The following ELP4 variants were observed in gnomAD, a reference collection of about 807,000 sequenced individuals.
The protein encoded by ELP4 is elongator acetyltransferase complex subunit 4.
A neutral mutation model predicts 48.9 loss-of-function variants in ELP4; 51 were observed. That is an observed-to-expected ratio of 1.04 (90% CI 0.83 to 1.32). The LOEUF is 1.32. ELP4 is among the 40% of genes most tolerant of loss of function. ELP4 has a pLI of 0.00. For missense variants in ELP4, 519 were observed against 514.6 expected (o/e 1.01, Z -0.08); for synonymous variants, 210 against 189.2 (o/e 1.11, Z -0.90).
intron 9 of ELP4, among the ~76,000 whole-genome samples, chr11:31,744,622 G>C (rs1947537143): frequency 6.6e-6 from 1 of 152,188 alleles, no homozygotes; most frequent in Non-Finnish European, 1.5e-5. Flanking sequence ...CATTTAAACA[G>C]AACCAAAGAC....
At chr11:31,691,054 A>G (rs1051905316) in intron 9 of ELP4, among the ~76,000 whole-genome samples, 5 of 152,012 alleles carry the variant, frequency 3.3e-5, no homozygotes, top group African/African-American at 1.2e-4. Context: ...ACCCAGTCAC[A>G]GGTACCTTCA....
At position 31,680,521 on chromosome 11, in the gene ELP4, G is replaced by A. The variant is rs955208548; in HGVS notation, c.1143+30300G>A. On this transcript the variant is annotated intron_variant, in intron 9 of 9. Coordinates refer to ENST00000640961, the MANE Select transcript of ELP4 (RefSeq NM_019040.5). ...AGTTTCGGATAGGGGTTGTGGAGGG[G>A]TACAAGCAAGAAGGAAGCAAAGGGC... Among the ~76,000 whole-genome samples, 6 of 152,120 alleles carry A rather than the reference G, an allele frequency of 3.9e-5. No individual in the cohort carries two copies. The East Asian group carries it at 1.2e-3, about 29-fold the overall frequency.
intron 3 of ELP4, among the ~76,000 whole-genome samples, chr11:31,579,417 C>T (rs888131341): frequency 3.9e-5 from 6 of 152,156 alleles, no homozygotes; most frequent in African/African-American, 1.2e-4. Context: ...CCATTAGACC[C>T]AGCCATCCCA....
At chr11:31,548,342 C>T (rs1956774039) in intron 3 of ELP4, among the ~76,000 whole-genome samples, 1 of 151,568 alleles carries the variant, frequency 6.6e-6, no homozygotes, top group African/African-American at 2.4e-5. Flanking sequence ...ACACCAATAA[C>T]AGACAAACAG....
chr11:31,554,457 AATT>A (rs1956898983), intron 3 of ELP4, among the ~76,000 whole-genome samples: 3 of 151,410 alleles, frequency 2.0e-5, no homozygotes, highest in Admixed American at 2.0e-4. Context: ...TATATATATG[AATT>A]ATTTTATATG....
chr11:31,684,849 G>A (rs931920413), intron 9 of ELP4, among the ~76,000 whole-genome samples: 6 of 152,156 alleles, frequency 3.9e-5, no homozygotes, highest in African/African-American at 1.4e-4. Flanking sequence ...CTTTTAGAAA[G>A]AAACACTGAA....
At chr11:31,767,057 T>C (rs192614033) in intron 9 of ELP4, among the ~76,000 whole-genome samples, 36 of 152,280 alleles carry the variant, frequency 2.4e-4, no homozygotes, top group African/African-American at 8.2e-4. Flanking sequence ...TTATATGTGG[T>C]TTTAATACTA....
intron 3 of ELP4, among the ~76,000 whole-genome samples, chr11:31,585,911 C>G (rs895509698): frequency 6.6e-6 from 1 of 151,940 alleles, no homozygotes; most frequent in Non-Finnish European, 1.5e-5. Context: ...ATAGCAACAC[C>G]CTGTCTCTAC....
intron 9 of ELP4, among the ~76,000 whole-genome samples, chr11:31,691,199 A>G (rs772314145): frequency 1.3e-5 from 2 of 152,120 alleles, no homozygotes; most frequent in Non-Finnish European, 2.9e-5. Context: ...TGATGAAGGC[A>G]TGTTACACAA....
intron 5 of ELP4, among the ~76,000 whole-genome samples, chr11:31,609,164 T>G (rs1041574382): frequency 6.6e-6 from 1 of 152,128 alleles, no homozygotes; most frequent in Admixed American, 6.5e-5. Flanking sequence ...TTGGCTGCAT[T>G]TAAAACAGGC....
In ELP4 at chr11:31,594,793, T is replaced by G. The variant is rs769623140; in HGVS notation, c.405T>G (p.Asp135Glu). Residue 135 changes from aspartate to glutamate, a missense_variant, in exon 4 of 10, where the codon GAT becomes GAG. Coordinates refer to ENST00000640961, the MANE Select transcript of ELP4 (RefSeq NM_019040.5). ...ILQELPAPLLDDKCKKEFDED... is the reference protein window; with the variant it reads ...ILQELPAPLLEDKCKKEFDED... ...AGGAACTTCCAGCACCATTACTTGATGATAAATGTAAAAAGGAATTTGATG... is the reference window on the plus strand; with the variant it reads ...AGGAACTTCCAGCACCATTACTTGAGGATAAATGTAAAAAGGAATTTGATG... 1 of 1,527,788 alleles carries G rather than the reference T, an allele frequency of 6.5e-7. No individual in the cohort carries two copies. Among genetic ancestry groups the G allele is most frequent in the South Asian group, 1.4e-5 (1 of 73,886 alleles). The allele number at this position is 1,527,788 out of a possible 1,614,324, so 94.6% of individuals were successfully genotyped here. A position where few individuals can be genotyped will look rare whatever the true frequency, so the allele number is the denominator to read the frequency against.
chr11:31,585,010 A>G (rs1171861762), intron 3 of ELP4, among the ~76,000 whole-genome samples: 1 of 152,206 alleles, frequency 6.6e-6, no homozygotes, highest in Non-Finnish European at 1.5e-5. Flanking sequence ...AAGAATTACT[A>G]CATTTTAGGT....
intron 3 of ELP4, among the ~76,000 whole-genome samples, chr11:31,544,129 G>T (rs1956645741): frequency 6.6e-6 from 1 of 152,232 alleles, no homozygotes; most frequent in Admixed American, 6.5e-5. Flanking sequence ...ATCTCACTAG[G>T]GAGTGCCAGA....
At position 31,715,000 on chromosome 11, in the gene ELP4, T is replaced by G. The variant is rs1946813923; in HGVS notation, c.1143+64779T>G. 1.3e-5 allele frequency: 5 copies of G among 393,064 alleles called. No individual in the cohort carries two copies. The Admixed American group carries it at 2.2e-4, about 17-fold the overall frequency. 24.3% of individuals were successfully genotyped at this position (393,064 alleles called of 1,614,324 possible). ...CAAAGACTGTGGTATGGACATTTTT[T>G]GAGGACTGTTATTCTGCCTACCACA... is the stretch of plus-strand genomic sequence containing the variant. On this transcript the variant is annotated intron_variant, in intron 9 of 9. Transcript: ENST00000640961.
At chr11:31,516,320 C>T (rs1335885788) in intron 1 of ELP4, among the ~76,000 whole-genome samples, 1 of 152,158 alleles carries the variant, frequency 6.6e-6, no homozygotes, top group African/African-American at 2.4e-5. Context: ...ATCAATTCAT[C>T]TCCTTATATG....
intron 2 of ELP4, 43 bp downstream of exon 2, chr11:31,520,134 TC>T (rs1302849292): frequency 6.5e-7 from 1 of 1,540,918 alleles, no homozygotes; most frequent in Admixed American, 1.9e-5. Context: ...ATCATTGTTT[TC>T]TGTTGTGCAT....
intron 9 of ELP4, among the ~76,000 whole-genome samples, chr11:31,772,095 C>G (rs929884252): frequency 6.6e-6 from 1 of 151,432 alleles, no homozygotes; most frequent in East Asian, 1.9e-4. Flanking sequence ...TTAAAAGCAC[C>G]TCTCACCACC....
intron 9 of ELP4, among the ~76,000 whole-genome samples, chr11:31,746,018 C>A (rs1444037667): frequency 6.6e-6 from 1 of 152,142 alleles, no homozygotes; most frequent in Admixed American, 6.5e-5. Context: ...TATCCAGAAT[C>A]TACAATGAAC....
intron 9 of ELP4, chr11:31,663,236 G>A (rs1041453573): frequency 6.6e-6 from 1 of 151,738 alleles, no homozygotes. Flanking sequence ...ATCTTTTAAA[G>A]AAACCTTTTT....
Sources: allele counts gnomAD v4.1 joint callset (sites outside exome capture counted in the v4.1 genomes callset), GRCh38; gene constraint gnomAD v4.1.1; transcripts MANE v1.5; gene names NCBI Gene and HGNC (gene_info 2026-07-23, HGNC 2026-07-21).